GRID2: variants seen among roughly 807,000 people sequenced by gnomAD.
The protein encoded by GRID2 is glutamate receptor ionotropic, delta-2.
GRID2 carries 33 observed loss-of-function variants against 114.8 expected under a neutral mutation model. The ratio of observed to expected loss-of-function variants is 0.29; its 90% CI spans 0.22 to 0.38. The LOEUF (loss-of-function observed/expected upper bound fraction) is 0.38, where lower values mean the gene tolerates loss of function less well. Ranked by LOEUF, GRID2 falls within the 10% of genes least tolerant of loss-of-function variation. GRID2 has a pLI of 1.00. For synonymous variants in GRID2, 505 were observed against 449.9 expected (o/e 1.12, Z -1.55); for missense variants, 1,184 against 1,257.7 (o/e 0.94, Z 0.89).
chr4:93,069,197 G>A (rs953453423), intron 2 of GRID2, among the ~76,000 whole-genome samples: 7 of 151,484 alleles, frequency 4.6e-5, no homozygotes, highest in Non-Finnish European at 2.9e-5. Context: ...AGTTTTGGGT[G>A]GGGACAACAT....
At chr4:93,802,574 A>G (rs1465036589) in intron 1 of GRID2, among the ~76,000 whole-genome samples, 1 of 152,216 alleles carries the variant, frequency 6.6e-6, no homozygotes, top group Non-Finnish European at 1.5e-5. Context: ...TAACTCCTCT[A>G]TAGTGTTTAC....
intron 8 of GRID2, chr4:93,302,686 C>A: frequency 2.3e-6 from 1 of 432,894 alleles, no homozygotes; most frequent in Non-Finnish European, 4.6e-6. Flanking sequence ...GTTTCATAGG[C>A]TACTTTATTG....
intron 1 of GRID2, among the ~76,000 whole-genome samples, chr4:92,543,410 A>G (rs1726078263): frequency 6.6e-6 from 1 of 152,200 alleles, no homozygotes; most frequent in Non-Finnish European, 1.5e-5. Context: ...TTCTATAAAA[A>G]TTTTATAGCA....
At chr4:92,972,057 G>A (rs1753551474) in intron 2 of GRID2, among the ~76,000 whole-genome samples, 1 of 152,036 alleles carries the variant, frequency 6.6e-6, no homozygotes, top group Admixed American at 6.6e-5. Flanking sequence ...ATACCCAATA[G>A]TAGTGGAGTT....
intron 1 of GRID2, among the ~76,000 whole-genome samples, chr4:92,579,986 G>A (rs12505586): frequency 0.27 from 39,220 of 146,560 alleles, 5,368 homozygotes; most frequent in Middle Eastern, 0.37. Flanking sequence ...ATATGTATAT[G>A]TATTTTACAT....
At chr4:92,514,731 C>T (rs1169004523) in intron 1 of GRID2, among the ~76,000 whole-genome samples, 1 of 151,860 alleles carries the variant, frequency 6.6e-6, no homozygotes, top group Non-Finnish European at 1.5e-5. Flanking sequence ...CCACATAATA[C>T]ACATGTTAAA....
chr4:92,749,439 C>G (rs1737330148), intron 2 of GRID2, among the ~76,000 whole-genome samples: 1 of 149,454 alleles, frequency 6.7e-6, no homozygotes, highest in Non-Finnish European at 1.5e-5. Context: ...CTCAGCCTCT[C>G]AAGTAGCTGA....
intron 4 of GRID2, among the ~76,000 whole-genome samples, chr4:93,198,682 A>C (rs7687765): frequency 0.43 from 65,859 of 151,814 alleles, 15,550 homozygotes; most frequent in Admixed American, 0.61. Flanking sequence ...GAAGGGTTTG[A>C]CATTTTGTTC....
intron 1 of GRID2, among the ~76,000 whole-genome samples, chr4:92,472,322 C>G (rs1722087116): frequency 1.3e-5 from 2 of 152,076 alleles, no homozygotes; most frequent in Non-Finnish European, 2.9e-5. Context: ...ATTTGTTTAT[C>G]CACTCACACG....
In GRID2 at chr4:93,772,731, T is replaced by TC. The variant is rs1200310378; in HGVS notation, c.*237dup. 1.2e-5 allele frequency: 6 copies of TC among 506,956 alleles called. No individual in the cohort carries two copies. The highest frequency in any genetic ancestry group is 2.1e-5 in the Non-Finnish European group (6 of 289,082). The allele number at this position is 506,956 out of a possible 1,614,324, so 31.4% of individuals were successfully genotyped here. On this transcript the variant is annotated 3_prime_UTR_variant, in exon 16 of 16. Coordinates refer to ENST00000282020, the MANE Select transcript of GRID2 (RefSeq NM_001510.4). ...CACTTTTTTTCATTACTCAACTTGT[T>TC]CCCCAAGAAGGTAGTGTACTAGGAT...
chr4:92,594,390 A>C (rs2149214287), intron 2 of GRID2, among the ~76,000 whole-genome samples: 1 of 152,044 alleles, frequency 6.6e-6, no homozygotes, highest in Non-Finnish European at 1.5e-5. Flanking sequence ...CTCATTTGTA[A>C]AAAATGAAGG....
chr4:92,498,628 T>C (rs765078742), intron 1 of GRID2, among the ~76,000 whole-genome samples: 1 of 151,844 alleles, frequency 6.6e-6, no homozygotes, highest in Non-Finnish European at 1.5e-5. Flanking sequence ...GGACTAGGAA[T>C]AAATAAATAA....
intron 2 of GRID2, among the ~76,000 whole-genome samples, chr4:92,943,394 A>G (rs1014406682): frequency 6.6e-6 from 1 of 152,018 alleles, no homozygotes; most frequent in Non-Finnish European, 1.5e-5. Context: ...TTGTGCATTC[A>G]TCACATAGTT....
chr4:93,010,884 T>C (rs1048587252), intron 2 of GRID2, among the ~76,000 whole-genome samples: 8 of 152,148 alleles, frequency 5.3e-5, no homozygotes, highest in Admixed American at 6.5e-5. Flanking sequence ...ATTTCCTTCT[T>C]CAATGGCACT....
intron 2 of GRID2, among the ~76,000 whole-genome samples, chr4:92,687,805 G>T (rs1312438402): frequency 6.6e-6 from 1 of 151,870 alleles, no homozygotes; most frequent in Non-Finnish European, 1.5e-5. Context: ...CTCCAGCCTG[G>T]GCGACAAAGC....
At chr4:93,396,041 A>G (rs1765298644) in intron 9 of GRID2, among the ~76,000 whole-genome samples, 1 of 152,018 alleles carries the variant, frequency 6.6e-6, no homozygotes, top group Non-Finnish European at 1.5e-5. Flanking sequence ...TAGTCAACAT[A>G]TAGTGAACAT....
At chr4:93,333,468 C>T (rs188943294) in intron 8 of GRID2, among the ~76,000 whole-genome samples, 5 of 152,268 alleles carry the variant, frequency 3.3e-5, no homozygotes, top group African/African-American at 1.2e-4. Context: ...TCCCACCATA[C>T]ATTTTTTTAA....
intron 8 of GRID2, among the ~76,000 whole-genome samples, chr4:93,310,673 G>A (rs1244735251): frequency 6.6e-6 from 1 of 152,176 alleles, no homozygotes. Context: ...ATAAAGCAAT[G>A]CTAAATGTAT....
At chr4:93,569,880 C>T (rs1735776433) in intron 13 of GRID2, among the ~76,000 whole-genome samples, 1 of 152,148 alleles carries the variant, frequency 6.6e-6, no homozygotes, top group Non-Finnish European at 1.5e-5. Context: ...CATAGAATCC[C>T]ATATCCTCCA....
Sources: allele counts gnomAD v4.1 joint callset (sites outside exome capture counted in the v4.1 genomes callset), GRCh38; gene constraint gnomAD v4.1.1; transcripts MANE v1.5; gene names NCBI Gene and HGNC (gene_info 2026-07-23, HGNC 2026-07-21).